Variants in PIP4K2A observed in about 807,000 individuals in gnomAD.
PIP4K2A encodes phosphatidylinositol-5-phosphate 4-kinase type 2 alpha.
In PIP4K2A, 14 loss-of-function variants were observed where a neutral mutation model predicts 42.9. The observed-to-expected ratio is 0.33, with a 90% confidence interval of 0.22 to 0.51. The LOEUF is 0.51. PIP4K2A is among the 20% of genes least tolerant of loss of function. The pLI, the probability that PIP4K2A is intolerant of heterozygous loss-of-function variation, is 0.97. For synonymous variants in PIP4K2A, 192 were observed against 192.2 expected (o/e 1.00, Z 0.01); for missense variants, 434 against 519.8 (o/e 0.83, Z 1.61).
intron 1 of PIP4K2A, among the ~76,000 whole-genome samples, chr10:22,628,722 A>G (rs1157939524): frequency 6.6e-6 from 1 of 152,218 alleles, no homozygotes; most frequent in Non-Finnish European, 1.5e-5. Context: ...CAACTGGTTC[A>G]AAGAGTTATT....
chr10:22,711,023 A>G (rs2130931960), intron 1 of PIP4K2A, among the ~76,000 whole-genome samples: 1 of 152,324 alleles, frequency 6.6e-6, no homozygotes, highest in South Asian at 2.1e-4. Flanking sequence ...TTTTTAGTTT[A>G]ATTCTAAATG....
At chr10:22,683,742 T>C (rs1289992226) in intron 1 of PIP4K2A, among the ~76,000 whole-genome samples, 3 of 152,006 alleles carry the variant, frequency 2.0e-5, no homozygotes. Flanking sequence ...GCGTCCCTCC[T>C]GACTGTAATT....
intron 6 of PIP4K2A, among the ~76,000 whole-genome samples, chr10:22,564,622 C>A (rs1360205976): frequency 6.6e-6 from 1 of 152,234 alleles, no homozygotes; most frequent in Non-Finnish European, 1.5e-5. Context: ...AAGAAACATT[C>A]ACTCATGGCA....
At chr10:22,569,831 T>TA (rs144599807) in intron 5 of PIP4K2A, among the ~76,000 whole-genome samples, 2,018 of 151,524 alleles carry the variant, frequency 0.013, 51 homozygotes, top group African/African-American at 0.046. Context: ...AAAAAATTAT[T>TA]AAAAAAAATA....
chr10:22,550,252 T>C (rs1836370221), intron 7 of PIP4K2A, among the ~76,000 whole-genome samples: 1 of 152,220 alleles, frequency 6.6e-6, no homozygotes, highest in South Asian at 2.1e-4. Context: ...GAGGGAAAAG[T>C]GCCAAGACTG....
chr10:22,542,377 A>C (rs1023944761), intron 7 of PIP4K2A, among the ~76,000 whole-genome samples: 2 of 145,220 alleles, frequency 1.4e-5, no homozygotes, highest in Non-Finnish European at 3.0e-5. Flanking sequence ...ACTGGGAGAG[A>C]GAGCAAGTTC....
At chr10:22,633,463 GA>G (rs907331695) in intron 1 of PIP4K2A, among the ~76,000 whole-genome samples, 1 of 151,934 alleles carries the variant, frequency 6.6e-6, no homozygotes, top group South Asian at 2.1e-4. Context: ...TACCTTCATG[GA>G]AAAAAATCCC....
intron 1 of PIP4K2A, among the ~76,000 whole-genome samples, chr10:22,696,576 T>G (rs1359423159): frequency 6.6e-6 from 1 of 151,886 alleles, no homozygotes; most frequent in Non-Finnish European, 1.5e-5. Context: ...ATTTTTCTCA[T>G]AAGAAAAAAA....
chr10:22,623,678 G>A (rs1203824973), intron 1 of PIP4K2A, among the ~76,000 whole-genome samples: 1 of 152,196 alleles, frequency 6.6e-6, no homozygotes, highest in Non-Finnish European at 1.5e-5. Context: ...CATGTGCCCA[G>A]TTAAGTGGAT....
At chr10:22,540,802 G>C (rs1295941040) in intron 8 of PIP4K2A, among the ~76,000 whole-genome samples, 1 of 152,200 alleles carries the variant, frequency 6.6e-6, no homozygotes, top group Non-Finnish European at 1.5e-5. Flanking sequence ...TGATCTGCCT[G>C]CCGCGGCCTC....
At chr10:22,629,283 T>C (rs954954535) in intron 1 of PIP4K2A, among the ~76,000 whole-genome samples, 44 of 152,220 alleles carry the variant, frequency 2.9e-4, no homozygotes, top group Non-Finnish European at 5.7e-4. Context: ...ATTTTACTTT[T>C]ATGTGGTTAA....
chr10:22,660,073 A>G (rs1839173432), intron 1 of PIP4K2A, among the ~76,000 whole-genome samples: 1 of 152,088 alleles, frequency 6.6e-6, no homozygotes, highest in Non-Finnish European at 1.5e-5. Flanking sequence ...CTGCCTTGCT[A>G]CACAGATGTG....
At chr10:22,673,100 G>A (rs1352200347) in intron 1 of PIP4K2A, among the ~76,000 whole-genome samples, 1 of 152,112 alleles carries the variant, frequency 6.6e-6, no homozygotes, top group African/African-American at 2.4e-5. Context: ...ATAACCTCTA[G>A]CCAGAATGCC....
intron 6 of PIP4K2A, among the ~76,000 whole-genome samples, chr10:22,565,124 GA>G (rs1564422962): frequency 6.6e-6 from 1 of 152,160 alleles, no homozygotes; most frequent in Non-Finnish European, 1.5e-5. Flanking sequence ...GCTTGTTCTA[GA>G]CATGCTTCTC....
At chr10:22,653,483 C>G (rs1839034300) in intron 1 of PIP4K2A, among the ~76,000 whole-genome samples, 2 of 152,208 alleles carry the variant, frequency 1.3e-5, no homozygotes, top group Admixed American at 6.5e-5. Context: ...TTCCACTCAT[C>G]TTAATCTTTC....
chr10:22,679,862 G>A (rs1839626706), intron 1 of PIP4K2A, among the ~76,000 whole-genome samples: 1 of 152,122 alleles, frequency 6.6e-6, no homozygotes, highest in Non-Finnish European at 1.5e-5. Context: ...GGTTGCCTAG[G>A]GCTGGGGGTA....
intron 1 of PIP4K2A, among the ~76,000 whole-genome samples, chr10:22,677,571 C>T (rs1464658786): frequency 6.6e-6 from 1 of 152,170 alleles, no homozygotes; most frequent in East Asian, 1.9e-4. Flanking sequence ...ACAGAATGAG[C>T]TCTGAGAGGA....
intron 1 of PIP4K2A, among the ~76,000 whole-genome samples, chr10:22,692,178 C>T (rs998048534): frequency 1.3e-5 from 2 of 151,704 alleles, no homozygotes; most frequent in Non-Finnish European, 2.9e-5. Context: ...GAGACAGTGA[C>T]AGATCATCAG....
chr10:22,641,402 T>C (rs1275928759), intron 1 of PIP4K2A, among the ~76,000 whole-genome samples: 1 of 152,200 alleles, frequency 6.6e-6, no homozygotes, highest in Non-Finnish European at 1.5e-5. Context: ...TTCTGTTATA[T>C]AGATTTCATG....
Sources: allele counts gnomAD v4.1 joint callset (sites outside exome capture counted in the v4.1 genomes callset), GRCh38; gene constraint gnomAD v4.1.1; transcripts MANE v1.5; gene names NCBI Gene and HGNC (gene_info 2026-07-23, HGNC 2026-07-21).